RFC3: variants seen among roughly 807,000 people sequenced by gnomAD.
RFC3 encodes replication factor C subunit 3.
RFC3 carries 41 observed loss-of-function variants against 45.1 expected under a neutral mutation model. The ratio of observed to expected loss-of-function variants is 0.91; its 90% confidence interval spans 0.71 to 1.18. The LOEUF is 1.18. Ranked by LOEUF, RFC3 falls within the 50% of genes most tolerant of loss-of-function variation. RFC3 has a pLI of 0.00. For missense variants in RFC3, 423 were observed against 428.1 expected, an observed-to-expected ratio of 0.99 and a Z score of 0.10; for synonymous variants, 149 against 144.0, an observed-to-expected ratio of 1.03 and a Z score of -0.25.
chr13:33,962,362 C>G (rs925839536), intron 8 of RFC3, among the ~76,000 whole-genome samples: 2 of 152,136 alleles, frequency 1.3e-5, no homozygotes, highest in Non-Finnish European at 2.9e-5. Flanking sequence ...AGCTTTCCCC[C>G]ATTTTTCTGT....
chr13:33,819,278 A>G (rs557399494), intron 1 of RFC3, among the ~76,000 whole-genome samples: 93 of 152,306 alleles, frequency 6.1e-4, no homozygotes, highest in African/African-American at 2.0e-3. Flanking sequence ...CAATGGCAAT[A>G]TTTTGTGAGA....
intron 8 of RFC3, among the ~76,000 whole-genome samples, chr13:33,910,451 C>T (rs1213400005): frequency 6.6e-6 from 1 of 152,098 alleles, no homozygotes; most frequent in Non-Finnish European, 1.5e-5. Context: ...TTATTACTGA[C>T]AGCTGGCTCA....
At position 33,821,134 on chromosome 13, in the gene RFC3, G is replaced by C. The variant is rs781422585; in HGVS notation, c.90G>C (p.Val30=). 6.2e-7 allele frequency: 1 copy of C among 1,612,436 alleles called. No individual in the cohort carries two copies. The highest frequency in any genetic ancestry group is 1.7e-5 in the Admixed American group (1 of 59,758). Reference sequence around the variant, plus strand: ...AATGCCTTGTTCTTTTTTTTCAGGTGCAGTGTGGTGACTTTCCTCATCTGT... The same window carrying C: ...AATGCCTTGTTCTTTTTTTTCAGGTCCAGTGTGGTGACTTTCCTCATCTGT... The part of the protein sequence containing the change: ...KEQAAQLRNL[V]QCGDFPHLLV... Residue 30 remains valine (V), a splice_region_variant and synonymous_variant, in exon 2 of 9, where the codon GTG becomes GTC. Coordinates refer to ENST00000380071, the MANE Select transcript of RFC3 (RefSeq NM_002915.4).
intron 8 of RFC3, among the ~76,000 whole-genome samples, chr13:33,865,195 A>G (rs61945809): frequency 2.2e-4 from 33 of 152,226 alleles, no homozygotes; most frequent in Non-Finnish European, 4.1e-4. Context: ...CACAGTGCAC[A>G]GTAATCCTCC....
chr13:33,839,906 A>G (rs187149655), downstream of RFC3, among the ~76,000 whole-genome samples: 7 of 152,316 alleles, frequency 4.6e-5, no homozygotes, highest in Admixed American at 4.6e-4. Flanking sequence ...CAGATTAAAT[A>G]CTGTAGTTTG....
At chr13:33,867,638 A>C (rs1046691765) in intron 8 of RFC3, among the ~76,000 whole-genome samples, 4 of 152,160 alleles carry the variant, frequency 2.6e-5, no homozygotes, top group Non-Finnish European at 5.9e-5. Context: ...AAATTAATGA[A>C]AAATTACAGC....
chr13:33,825,396 G>A (rs1252647502), intron 3 of RFC3, among the ~76,000 whole-genome samples: 1 of 152,074 alleles, frequency 6.6e-6, no homozygotes, highest in Non-Finnish European at 1.5e-5. Context: ...GAGGACTAGG[G>A]ATTGAATTTC....
At chr13:33,885,750 G>T (rs947368508) in intron 8 of RFC3, among the ~76,000 whole-genome samples, 1 of 152,146 alleles carries the variant, frequency 6.6e-6, no homozygotes, top group Non-Finnish European at 1.5e-5. Context: ...CTTAGTGTTT[G>T]TCAGAATGTT....
At chr13:33,968,788 A>G (rs1000105300), downstream of RFC3, among the ~76,000 whole-genome samples, 4 of 152,222 alleles carry the variant, frequency 2.6e-5, no homozygotes, top group East Asian at 1.9e-4. Flanking sequence ...ATTGTCGTCA[A>G]TATCCTTGAA....
intron 8 of RFC3, among the ~76,000 whole-genome samples, chr13:33,911,680 C>T (rs776454164): frequency 2.6e-5 from 4 of 151,974 alleles, no homozygotes; most frequent in Non-Finnish European, 4.4e-5. Flanking sequence ...CAAGGTGTGT[C>T]CTGGTTTTAC....
intron 8 of RFC3, among the ~76,000 whole-genome samples, chr13:33,905,611 C>T (rs188205362): frequency 2.6e-5 from 4 of 152,124 alleles, no homozygotes; most frequent in Non-Finnish European, 5.9e-5. Flanking sequence ...TTCCCACAAC[C>T]TCTTCCCCTA....
intron 8 of RFC3, among the ~76,000 whole-genome samples, chr13:33,868,938 C>G (rs1273448927): frequency 6.6e-6 from 1 of 152,172 alleles, no homozygotes; most frequent in Non-Finnish European, 1.5e-5. Flanking sequence ...CTTAAATATT[C>G]AAATGTTCCA....
chr13:33,900,521 A>C (rs1040525281), intron 8 of RFC3, among the ~76,000 whole-genome samples: 6 of 147,474 alleles, frequency 4.1e-5, no homozygotes, highest in African/African-American at 1.6e-4. Context: ...CTATCACCAT[A>C]TAGAAAAAAA....
At chr13:33,876,032 T>G (rs995829545) in intron 8 of RFC3, among the ~76,000 whole-genome samples, 1 of 152,226 alleles carries the variant, frequency 6.6e-6, no homozygotes, top group Non-Finnish European at 1.5e-5. Context: ...ACTACTGATA[T>G]CCGTTATCCT....
At chr13:33,863,629 G>C (rs184701025) in intron 8 of RFC3, among the ~76,000 whole-genome samples, 94 of 152,302 alleles carry the variant, frequency 6.2e-4, no homozygotes, top group Middle Eastern at 6.8e-3. Flanking sequence ...TGTCCATGCT[G>C]TCCATGTGGT....
chr13:33,856,719 C>T (rs1274334643), intron 8 of RFC3, among the ~76,000 whole-genome samples: 1 of 152,042 alleles, frequency 6.6e-6, no homozygotes, highest in Non-Finnish European at 1.5e-5. Context: ...TGCAATTTTG[C>T]CTGGAATAAT....
At chr13:33,900,613 A>G (rs2082634364) in intron 8 of RFC3, among the ~76,000 whole-genome samples, 1 of 152,146 alleles carries the variant, frequency 6.6e-6, no homozygotes, top group Admixed American at 6.6e-5. Flanking sequence ...ACTCTAAGAC[A>G]TTGATCTGGG....
the RFC3 span, among the ~76,000 whole-genome samples, chr13:33,972,529 T>C: frequency 2.0e-5 from 3 of 152,210 alleles, no homozygotes; most frequent in African/African-American, 4.8e-5. Flanking sequence ...ATTTTTATCT[T>C]TTGGAGTAGG....
At chr13:33,825,766 A>C (rs1419015862) in intron 3 of RFC3, 23 bp from the exon 4 acceptor site, 7 of 1,432,494 alleles carry the variant, frequency 4.9e-6, no homozygotes, top group Middle Eastern at 1.8e-4. Flanking sequence ...CATACTATAT[A>C]CCATTATTTT....
Sources: allele counts gnomAD v4.1 joint callset (sites outside exome capture counted in the v4.1 genomes callset), GRCh38; gene constraint gnomAD v4.1.1; transcripts MANE v1.5; gene names NCBI Gene and HGNC (gene_info 2026-07-23, HGNC 2026-07-21).